Variants in RIOK3 observed in about 807,000 individuals in gnomAD.
RIOK3 encodes the protein RIO kinase 3.
Under a neutral mutation model 63.5 loss-of-function variants are expected in RIOK3, and 40 were observed. The ratio of observed to expected loss-of-function variants is 0.63; its 90% confidence interval spans 0.49 to 0.82. The LOEUF (loss-of-function observed/expected upper bound fraction) is 0.82. Ranked by LOEUF, RIOK3 falls within the 40% of genes least tolerant of loss-of-function variation. The pLI is 0.00. For missense variants in RIOK3, 557 were observed against 637.0 expected (o/e 0.87, Z 1.35); for synonymous variants, 193 against 205.0 (o/e 0.94, Z 0.50).
chr18:23,461,727 C>T (rs556240953), intron 1 of RIOK3, among the ~76,000 whole-genome samples: 3 of 151,988 alleles, frequency 2.0e-5, no homozygotes, highest in African/African-American at 7.2e-5. Context: ...TCAACTGGGT[C>T]TGACAGAATA....
intron 2 of RIOK3, 114 bp from the exon 3 acceptor site, chr18:23,463,853 G>A: frequency 5.7e-6 from 5 of 876,740 alleles, no homozygotes; most frequent in African/African-American, 1.7e-5. Flanking sequence ...GTTTGATAGA[G>A]TTCTTTCCCA....
chr18:23,474,289 A>G (rs2057475009), intron 8 of RIOK3, among the ~76,000 whole-genome samples: 1 of 152,100 alleles, frequency 6.6e-6, no homozygotes, highest in Non-Finnish European at 1.5e-5. Context: ...GCTACTTGGG[A>G]GGCTGAGATG....
At chr18:23,477,501 C>T (rs897798273) in intron 11 of RIOK3, among the ~76,000 whole-genome samples, 2 of 152,128 alleles carry the variant, frequency 1.3e-5, no homozygotes, top group African/African-American at 2.4e-5. Flanking sequence ...TGGTGGCTCA[C>T]GCCTGTAATC....
chr18:23,475,020 T>C lies in RIOK3; in HGVS notation c.1086T>C (p.Ile362=), dbSNP rs949460638. Residue 362 remains isoleucine (I), a synonymous_variant, in exon 9 of 13, where the codon ATT becomes ATC. Transcript: ENST00000339486. ...LKKHILVMSF[I]GHDQVPAPKL... ...AACACATTTTAGTTATGTCTTTTAT[T>C]GGCCATGATCAAGTTCCAGCCCCTA... 5 of 1,612,452 alleles carry C rather than the reference T, an allele frequency of 3.1e-6. No homozygotes were observed. Among genetic ancestry groups the C allele is most frequent in the Non-Finnish European group, 4.2e-6 (5 of 1,178,498 alleles).
chr18:23,477,721 C>T (rs2057502029), intron 11 of RIOK3, among the ~76,000 whole-genome samples: 1 of 148,974 alleles, frequency 6.7e-6, no homozygotes, highest in African/African-American at 2.5e-5. Context: ...CAAGAACGTG[C>T]TACTGCACTC....
chr18:23,481,486 A>C lies in RIOK3; in HGVS notation c.*207A>C, dbSNP rs559801328. 4.3e-6 allele frequency: 2 copies of C among 464,380 alleles called. No homozygotes were observed. The highest frequency in any genetic ancestry group is 4.1e-5 in the African/African-American group (2 of 49,342). The allele number at this position is 464,380 out of a possible 1,614,324, so 28.8% of individuals were successfully genotyped here. A position where few individuals can be genotyped will look rare whatever the true frequency, so the allele number is the denominator to read the frequency against. On this transcript the variant is annotated 3_prime_UTR_variant, in exon 13 of 13. Coordinates refer to ENST00000339486, the MANE Select transcript of RIOK3 (RefSeq NM_003831.5). ...AAATGTCACTACCTCTCATCTTATGAACAGGATAATATAATTCTTTAACAG... is the reference window on the plus strand; with the variant it reads ...AAATGTCACTACCTCTCATCTTATGCACAGGATAATATAATTCTTTAACAG...
At chr18:23,459,456 C>G (rs2057360648) in intron 1 of RIOK3, among the ~76,000 whole-genome samples, 1 of 152,154 alleles carries the variant, frequency 6.6e-6, no homozygotes, top group Non-Finnish European at 1.5e-5. Context: ...GGTTCATGCT[C>G]CATTGTGGCT....
At chr18:23,480,551 GCACGCACACA>G (rs1465590613) in intron 12 of RIOK3, among the ~76,000 whole-genome samples, 2 of 46,876 alleles carry the variant, frequency 4.3e-5, no homozygotes, top group African/African-American at 1.6e-4. Flanking sequence ...ATACTTGGAT[GCACGCACACA>G]CACACACACA....
chr18:23,455,806 G>A (rs1422404041), intron 1 of RIOK3, among the ~76,000 whole-genome samples: 1 of 150,058 alleles, frequency 6.7e-6, no homozygotes, highest in Non-Finnish European at 1.5e-5. Flanking sequence ...GCTAATTTTT[G>A]GGTTTTTTTT....
At chr18:23,462,573 G>C (rs1054869610) in intron 1 of RIOK3, among the ~76,000 whole-genome samples, 1 of 152,200 alleles carries the variant, frequency 6.6e-6, no homozygotes, top group African/African-American at 2.4e-5. Context: ...GTGCTAGTTG[G>C]CATAGTCTAT....
chr18:23,477,035 G>T lies in RIOK3; in HGVS notation c.1203G>T (p.Thr401=). ...TGCGGCAGTTATATCATGAATGTAC[G>T]CTTGTCCATGCTGACCTCAGTGAGT... ...HLMRQLYHEC[T]LVHADLSEYN... Residue 401 remains threonine, a synonymous_variant, in exon 10 of 13, where the codon ACG becomes ACT. Coordinates refer to ENST00000339486, the MANE Select transcript of RIOK3 (RefSeq NM_003831.5). 1 of 1,613,808 alleles carries T rather than the reference G, an allele frequency of 6.2e-7. No individual in the cohort carries two copies. Among genetic ancestry groups the T allele is most frequent in the Non-Finnish European group, 8.5e-7 (1 of 1,179,898 alleles).
intron 1 of RIOK3, among the ~76,000 whole-genome samples, chr18:23,459,790 C>A (rs1232668979): frequency 2.0e-5 from 3 of 152,004 alleles, no homozygotes. Flanking sequence ...TCTGCCTCAG[C>A]CTTCTGAGTA....
intron 11 of RIOK3, among the ~76,000 whole-genome samples, chr18:23,477,766 CAAAA>C (rs538290499): frequency 2.9e-5 from 2 of 69,152 alleles, no homozygotes; most frequent in Admixed American, 1.8e-4. Flanking sequence ...GGCTCCGTCT[CAAAA>C]AAAAAAAAAA....
intron 5 of RIOK3, among the ~76,000 whole-genome samples, chr18:23,465,336 A>G (rs545305031): frequency 3.3e-5 from 5 of 152,232 alleles, no homozygotes; most frequent in African/African-American, 7.2e-5. Context: ...GTGCCACTTC[A>G]CTCCAGCCTG....
Position 23,453,466 on chromosome 18 carries a change from T to G in RIOK3, c.27T>G (p.Pro9=). The change falls in exon 1 of 13, where the codon CCT becomes CCG. Residue 9 remains proline, a synonymous_variant. Coordinates refer to ENST00000339486, the MANE Select transcript of RIOK3 (RefSeq NM_003831.5). MDLVGVAS[P]EPGTAAAWGP... is the part of the protein sequence containing the mutation. ...TGGATCTGGTAGGAGTGGCATCGCC[T>G]GAGCCCGGGACGGCAGCGGCCTGGG... The G allele has an allele frequency of 6.2e-7, 1 of 1,613,868 alleles. No individual in the cohort carries two copies. The highest frequency in any genetic ancestry group is 8.5e-7 in the Non-Finnish European group (1 of 1,179,870).
At chr18:23,475,462 C>CAAAA (rs60717269) in intron 9 of RIOK3, among the ~76,000 whole-genome samples, 2 of 99,324 alleles carry the variant, frequency 2.0e-5, no homozygotes, top group African/African-American at 4.2e-5. Flanking sequence ...GACTCTGTCT[C>CAAAA]AAAAAAAAAA....
At chr18:23,460,160 T>C (rs1485774864) in intron 1 of RIOK3, among the ~76,000 whole-genome samples, 1 of 152,224 alleles carries the variant, frequency 6.6e-6, no homozygotes, top group African/African-American at 2.4e-5. Flanking sequence ...CAGGCTGGAG[T>C]GCAGTGGCAC....
rs557844896 is a variant in RIOK3, at chr18:23,482,951, A to G, written c.*1672A>G. The G allele has an allele frequency of 2.0e-5, 3 of 149,724 alleles. No individual in the cohort carries two copies. Among genetic ancestry groups the G allele is most frequent in the Non-Finnish European group, 2.9e-5 (2 of 68,026 alleles). The allele number at this position is 149,724 out of a possible 1,614,324, so 9.3% of individuals were successfully genotyped here. ...TTATGATTCCAAAATAAAGATTTAT[A>G]TGACTGGTGATACTGGCTTTACAGA... On this transcript the variant is annotated 3_prime_UTR_variant, in exon 13 of 13. Transcript: ENST00000339486.
At chr18:23,478,511 G>C (rs1336968155) in intron 11 of RIOK3, among the ~76,000 whole-genome samples, 1 of 151,738 alleles carries the variant, frequency 6.6e-6, no homozygotes, top group Non-Finnish European at 1.5e-5. Context: ...AGGATTGTTT[G>C]AGTCCAGAAG....
Sources: allele counts gnomAD v4.1 joint callset (sites outside exome capture counted in the v4.1 genomes callset), GRCh38; gene constraint gnomAD v4.1.1; transcripts MANE v1.5; gene names NCBI Gene and HGNC (gene_info 2026-07-23, HGNC 2026-07-21).